Variants in TNFAIP8 observed in about 807,000 individuals in gnomAD.
TNFAIP8 encodes tumor necrosis factor alpha-induced protein 8.
A neutral mutation model predicts 13.3 loss-of-function variants in TNFAIP8; 7 were observed. The ratio of observed to expected loss-of-function variants is 0.52; its 90% confidence interval spans 0.30 to 0.99. The LOEUF is 0.99. Ranked by LOEUF, TNFAIP8 falls within the 50% of genes least tolerant of loss-of-function variation. TNFAIP8 has a pLI of 0.07. For missense variants in TNFAIP8, 258 were observed against 236.9 expected (o/e 1.09, Z -0.58); for synonymous variants, 94 against 87.6 (o/e 1.07, Z -0.41).
intron 1 of TNFAIP8, 33 bp from the exon 2 acceptor site, chr5:119,392,780 ATTG>A: frequency 6.7e-7 from 1 of 1,490,700 alleles, no homozygotes; most frequent in South Asian, 1.3e-5. Context: ...ATATTTACTA[ATTG>A]TTAATTCTTT....
At chr5:119,288,495 G>GA (rs1707795873) in intron 1 of TNFAIP8, among the ~76,000 whole-genome samples, 1 of 151,962 alleles carries the variant, frequency 6.6e-6, no homozygotes, top group Non-Finnish European at 1.5e-5. Flanking sequence ...TGAGCCACTG[G>GA]AAAAAAGTTT....
chr5:119,393,409 A>G lies in TNFAIP8; in HGVS notation c.*28A>G, dbSNP rs775207753. The stretch of plus-strand genomic sequence containing the variant: ...ACATGAGTTAAGATTGTGACTGATC[A>G]TGATTTATTTGAAGATGGAGCACTG... On this transcript the variant is annotated 3_prime_UTR_variant, in exon 2 of 2. Transcript: ENST00000504771. 5.1e-6 allele frequency: 8 copies of G among 1,576,724 alleles called. No homozygotes were observed. Among genetic ancestry groups the G allele is most frequent in the South Asian group, 2.3e-5 (2 of 87,340 alleles).
At chr5:119,278,703 C>A (rs1445582635) in intron 1 of TNFAIP8, among the ~76,000 whole-genome samples, 1 of 152,038 alleles carries the variant, frequency 6.6e-6, no homozygotes, top group African/African-American at 2.4e-5. Context: ...CCAGTTACAG[C>A]CATCAGTATT....
intron 1 of TNFAIP8, among the ~76,000 whole-genome samples, chr5:119,296,748 T>G (rs1749190041): frequency 6.6e-6 from 1 of 152,134 alleles, no homozygotes; most frequent in Non-Finnish European, 1.5e-5. Flanking sequence ...TGTGAATCCA[T>G]CTGGTCCTGG....
chr5:119,312,530 C>T (rs1749762176), intron 1 of TNFAIP8, among the ~76,000 whole-genome samples: 1 of 151,826 alleles, frequency 6.6e-6, no homozygotes, highest in South Asian at 2.1e-4. Context: ...TAATGACATA[C>T]ACCGGGACTC....
intron 1 of TNFAIP8, among the ~76,000 whole-genome samples, chr5:119,341,007 T>C (rs1303727973): frequency 8.6e-5 from 13 of 151,974 alleles, no homozygotes. Context: ...TGGCAGGTAC[T>C]TCTGTTATAA....
chr5:119,324,129 G>A (rs530290320), intron 1 of TNFAIP8, among the ~76,000 whole-genome samples: 20 of 151,598 alleles, frequency 1.3e-4, no homozygotes, highest in Non-Finnish European at 2.8e-4. Flanking sequence ...TCAAAAATTA[G>A]CCAGGTGTGT....
intron 1 of TNFAIP8, among the ~76,000 whole-genome samples, chr5:119,295,633 G>C (rs1421870116): frequency 6.6e-6 from 1 of 152,072 alleles, no homozygotes; most frequent in Non-Finnish European, 1.5e-5. Flanking sequence ...GGTTCCATAT[G>C]AACTTTAAAG....
Position 119,278,376 on chromosome 5 carries a change from A to AGTGTGTGTGT in TNFAIP8, c.1+9505_1+9514dup, listed in dbSNP as rs71591297. Among the ~76,000 whole-genome samples, 4 of 108,238 alleles carry AGTGTGTGTGT rather than the reference A, an allele frequency of 3.7e-5. No individual in the cohort carries two copies. In the East Asian group the frequency reaches 1.2e-3, roughly 31 times the overall value. The allele number at this position is 108,238 out of a possible 152,430, so 71.0% of individuals were successfully genotyped here. On this transcript the variant is annotated intron_variant, in intron 1 of 1. Coordinates refer to the TNFAIP8 transcript ENST00000274456. Reference sequence around the variant, plus strand: ...GGGAGAGAGAGAGAGAGAGAGAGAGAGTGTGTGTGTGTGTGTGTGTGTGTG... The same window carrying AGTGTGTGTGT: ...GGGAGAGAGAGAGAGAGAGAGAGAGAGTGTGTGTGTGTGTGTGTGTGTGTGTGTGTGTGTG...
chr5:119,327,094 G>A (rs1383114402), intron 1 of TNFAIP8, among the ~76,000 whole-genome samples: 1 of 152,162 alleles, frequency 6.6e-6, no homozygotes, highest in Admixed American at 6.5e-5. Flanking sequence ...GACTGCATTT[G>A]TGGAAAGGGG....
chr5:119,374,783 C>G (rs1044385603), intron 1 of TNFAIP8, among the ~76,000 whole-genome samples: 5 of 152,206 alleles, frequency 3.3e-5, no homozygotes, highest in African/African-American at 1.2e-4. Flanking sequence ...GTTTCCCACT[C>G]TCCTCCCTCA....
chr5:119,333,640 A>T, intron 1 of TNFAIP8: 1 of 1,529,612 alleles, frequency 6.5e-7, no homozygotes, highest in Non-Finnish European at 8.8e-7. Flanking sequence ...AGGTGAGTTA[A>T]AACGGCCTTC....
chr5:119,361,533 GTAAC>G (rs1382420568), intron 1 of TNFAIP8, among the ~76,000 whole-genome samples: 2 of 152,170 alleles, frequency 1.3e-5, no homozygotes, highest in African/African-American at 4.8e-5. Flanking sequence ...AATTTTATAA[GTAAC>G]TAGGAACAGA....
chr5:119,272,272 A>T (rs951643416), intron 1 of TNFAIP8, among the ~76,000 whole-genome samples: 2 of 152,182 alleles, frequency 1.3e-5, no homozygotes, highest in African/African-American at 4.8e-5. Context: ...AGCTTGCAGG[A>T]GGAGAGCACC....
At chr5:119,337,037 G>T (rs576185571) in intron 1 of TNFAIP8, among the ~76,000 whole-genome samples, 6 of 152,314 alleles carry the variant, frequency 3.9e-5, no homozygotes, top group African/African-American at 1.4e-4. Flanking sequence ...TCTGGCCAGT[G>T]CTAAGTATAG....
chr5:119,281,794 T>G (rs1489351290), intron 1 of TNFAIP8, among the ~76,000 whole-genome samples: 2 of 152,238 alleles, frequency 1.3e-5, no homozygotes, highest in African/African-American at 4.8e-5. Flanking sequence ...TCTCTAGACA[T>G]TTTGATTGAA....
intron 1 of TNFAIP8, among the ~76,000 whole-genome samples, chr5:119,270,536 A>G (rs1748261586): frequency 6.6e-6 from 1 of 152,232 alleles, no homozygotes. Flanking sequence ...AACTGGGACT[A>G]CAGGGGCCCA....
rs1273972752 is a variant in TNFAIP8, at chr5:119,393,459, A to C, written c.*78A>C. 4 of 1,324,120 alleles carry C rather than the reference A, an allele frequency of 3.0e-6. No homozygotes were observed. The African/African-American group carries it at 5.9e-5, about 19-fold the overall frequency. The allele number at this position is 1,324,120 out of a possible 1,614,324, so 82.0% of individuals were successfully genotyped here. The stretch of plus-strand genomic sequence containing the variant: ...GCTGATTTATGAAGGAAAAAAGAAG[A>C]ATTTTCTAAAGATTACACATATTTC... On this transcript the variant is annotated 3_prime_UTR_variant, in exon 2 of 2. Transcript: ENST00000504771.
At chr5:119,313,961 A>G (rs1453887732) in intron 1 of TNFAIP8, among the ~76,000 whole-genome samples, 1 of 152,240 alleles carries the variant, frequency 6.6e-6, no homozygotes, top group East Asian at 1.9e-4. Flanking sequence ...GGACAAACAA[A>G]ATTAAGTTAG....
Sources: allele counts gnomAD v4.1 joint callset (sites outside exome capture counted in the v4.1 genomes callset), GRCh38; gene constraint gnomAD v4.1.1; transcripts MANE v1.5; gene names NCBI Gene and HGNC (gene_info 2026-07-23, HGNC 2026-07-21).